NRXN1: variants seen among roughly 807,000 people sequenced by gnomAD.
NRXN1 encodes the protein neurexin-1.
In NRXN1, 39 loss-of-function variants were observed where a neutral mutation model predicts 150.9. The ratio of observed to expected loss-of-function variants is 0.26; its 90% CI spans 0.20 to 0.34. The LOEUF is 0.34. Among genes scored for constraint, NRXN1 ranks in the 10% least tolerant of loss-of-function variants. The probability of loss-of-function intolerance (pLI) is 1.00; values close to 1 mark genes in which losing one functional copy is unlikely to be tolerated. For missense variants in NRXN1, 1,815 were observed against 1,949.9 expected (o/e 0.93, Z 1.30); for synonymous variants, 924 against 757.0 (o/e 1.22, Z -3.62).
chr2:50,990,908 G>A (rs533426263), intron 2 of NRXN1, among the ~76,000 whole-genome samples: 1 of 152,084 alleles, frequency 6.6e-6, no homozygotes, highest in South Asian at 2.1e-4. Flanking sequence ...ACAGAGCAAA[G>A]AATAAAAGGA....
In NRXN1 at chr2:49,948,287, A is replaced by G. The variant is rs561716728; in HGVS notation, c.4129-4496T>C. On this transcript the variant is annotated intron_variant, in intron 21 of 22. Coordinates refer to ENST00000401669, the MANE Select transcript of NRXN1 (RefSeq NM_001330078.2). ...TTTGGAACAATTCTACACTAACCAG[A>G]ACGTGTGAGAATGTTCTCAGTGTTA... Among the ~76,000 whole-genome samples, 91 of 152,246 alleles carry G rather than the reference A, an allele frequency of 6.0e-4. No individual in the cohort carries two copies. In the South Asian group the frequency reaches 0.012, roughly 19 times the overall value.
intron 18 of NRXN1, among the ~76,000 whole-genome samples, chr2:50,216,101 A>C (rs769718680): frequency 5.9e-5 from 9 of 151,998 alleles, no homozygotes; most frequent in Non-Finnish European, 8.8e-5. Flanking sequence ...CATGTCTGTA[A>C]TCCTAACACT....
intron 18 of NRXN1, among the ~76,000 whole-genome samples, chr2:50,172,742 G>A (rs1363344859): frequency 6.6e-6 from 1 of 152,086 alleles, no homozygotes; most frequent in South Asian, 2.1e-4. Flanking sequence ...CAAGGCAGGT[G>A]GATAACCTGA....
intron 21 of NRXN1, among the ~76,000 whole-genome samples, chr2:49,989,780 G>T (rs980531535): frequency 1.3e-5 from 2 of 152,096 alleles, no homozygotes; most frequent in African/African-American, 4.8e-5. Context: ...AGTTATGATT[G>T]GTAGGAAAGT....
At chr2:50,692,813 A>G (rs960616858) in intron 5 of NRXN1, among the ~76,000 whole-genome samples, 1 of 152,144 alleles carries the variant, frequency 6.6e-6, no homozygotes, top group Non-Finnish European at 1.5e-5. Flanking sequence ...TTAGTACAAC[A>G]GGAAAGCACC....
intron 9 of NRXN1, chr2:50,551,237 A>T (rs1667491244): frequency 6.6e-6 from 1 of 152,330 alleles, no homozygotes; most frequent in Non-Finnish European, 1.5e-5. Context: ...CACAGTCTCC[A>T]ATATATCTGG....
At chr2:50,795,138 T>C (rs1706622383) in intron 5 of NRXN1, among the ~76,000 whole-genome samples, 1 of 152,106 alleles carries the variant, frequency 6.6e-6, no homozygotes, top group South Asian at 2.1e-4. Context: ...GGACCTGTAG[T>C]CTTTTCAGTG....
intron 5 of NRXN1, among the ~76,000 whole-genome samples, chr2:50,819,357 T>C (rs866423440): frequency 3.9e-5 from 6 of 152,140 alleles, no homozygotes; most frequent in African/African-American, 4.8e-5. Flanking sequence ...CTTAGAGAAA[T>C]AGGAACATCT....
chr2:50,130,698 A>T (rs1396210918), intron 18 of NRXN1, among the ~76,000 whole-genome samples: 1 of 152,220 alleles, frequency 6.6e-6, no homozygotes, highest in Non-Finnish European at 1.5e-5. Flanking sequence ...AGATTAAATA[A>T]AGTTCAGCTT....
At chr2:50,374,161 GT>G (rs1558621636) in intron 17 of NRXN1, among the ~76,000 whole-genome samples, 2 of 151,766 alleles carry the variant, frequency 1.3e-5, no homozygotes, top group Non-Finnish European at 2.9e-5. Context: ...GCCGGCTGTA[GT>G]GGGGGCACAC....
At chr2:50,429,490 C>T (rs939835465) in intron 17 of NRXN1, among the ~76,000 whole-genome samples, 9 of 152,098 alleles carry the variant, frequency 5.9e-5, no homozygotes, top group Non-Finnish European at 1.0e-4. Context: ...CTCCTGACCT[C>T]AAGTGATCCA....
chr2:50,228,942 A>G (rs1244655004), intron 18 of NRXN1, among the ~76,000 whole-genome samples: 1 of 151,960 alleles, frequency 6.6e-6, no homozygotes, highest in Admixed American at 6.6e-5. Context: ...TGTGTTGTCG[A>G]TATAAGAATC....
At position 50,863,880 on chromosome 2, in the gene NRXN1, T is replaced by A. The variant is rs545331500; in HGVS notation, c.832+57989A>T. On this transcript the variant is annotated intron_variant, in intron 5 of 22. Transcript: ENST00000401669. Reference sequence around the variant, plus strand: ...GCATTAAAAACCTGCTAGACCATGGTGAGCCTATGAGATAGGAAACTTTTT... The same window carrying A: ...GCATTAAAAACCTGCTAGACCATGGAGAGCCTATGAGATAGGAAACTTTTT... Among the ~76,000 whole-genome samples, 10 of 152,138 alleles carry A rather than the reference T, an allele frequency of 6.6e-5. No homozygotes were observed. In the East Asian group the frequency reaches 1.9e-3, roughly 30 times the overall value.
chr2:50,301,070 C>T (rs2074104639), intron 17 of NRXN1, among the ~76,000 whole-genome samples: 1 of 152,130 alleles, frequency 6.6e-6, no homozygotes, highest in Non-Finnish European at 1.5e-5. Flanking sequence ...AGAGCTGGAA[C>T]TCCTAAAAAT....
At chr2:50,579,409 C>T (rs1227683295) in intron 8 of NRXN1, among the ~76,000 whole-genome samples, 1 of 152,178 alleles carries the variant, frequency 6.6e-6, no homozygotes, top group African/African-American at 2.4e-5. Flanking sequence ...GCCCGTTATC[C>T]TGGTACTTCG....
intron 17 of NRXN1, among the ~76,000 whole-genome samples, chr2:50,336,808 G>C (rs780731891): frequency 6.6e-6 from 1 of 152,148 alleles, no homozygotes; most frequent in Non-Finnish European, 1.5e-5. Flanking sequence ...AAGTGATGAG[G>C]AAGCGAAGCA....
chr2:50,670,889 T>C (rs1688746654), intron 5 of NRXN1, among the ~76,000 whole-genome samples: 1 of 151,928 alleles, frequency 6.6e-6, no homozygotes, highest in African/African-American at 2.4e-5. Flanking sequence ...TGATATTGCT[T>C]GGTGATCTTT....
At chr2:50,018,207 T>C (rs760235553) in intron 21 of NRXN1, among the ~76,000 whole-genome samples, 20 of 152,162 alleles carry the variant, frequency 1.3e-4, no homozygotes, top group Non-Finnish European at 2.4e-4. Flanking sequence ...GCTATTCCCA[T>C]AAAGCACCTC....
chr2:50,531,544 A>G (rs972744703), intron 10 of NRXN1, 114 bp from the exon 11 acceptor site: 1 of 772,018 alleles, frequency 1.3e-6, no homozygotes. Flanking sequence ...ACACAATACT[A>G]CAAAATCAAT....
Sources: gnomAD v4.1 joint callset for allele counts (sites outside exome capture counted in the v4.1 genomes callset) on GRCh38, gnomAD v4.1.1 for gene constraint, MANE v1.5 for transcripts, NCBI Gene and HGNC (gene_info 2026-07-23, HGNC 2026-07-21) for gene names.